ELF1: variants seen among roughly 807,000 people sequenced by gnomAD.
The protein encoded by ELF1 is ETS-related transcription factor Elf-1.
Under a neutral mutation model 59.9 loss-of-function variants are expected in ELF1, and 24 were observed. That is an observed-to-expected ratio of 0.40 (90% confidence interval 0.29 to 0.56). ELF1 has a LOEUF of 0.56. Ranked by LOEUF, ELF1 falls within the 20% of genes least tolerant of loss-of-function variation. The pLI is 0.44. For missense variants in ELF1, 627 were observed against 742.2 expected (o/e 0.84, Z 1.80); for synonymous variants, 248 against 266.2 (o/e 0.93, Z 0.67).
chr13:41,059,527 G>C (rs1169821430), intron 1 of ELF1, among the ~76,000 whole-genome samples: 5 of 152,100 alleles, frequency 3.3e-5, no homozygotes. Context: ...AAATAGTCTG[G>C]GAACACACAT....
chr13:40,981,103 T>C lies in ELF1; in HGVS notation c.72+880A>G, dbSNP rs17061695. ...TAACTATGTTTCCAGAATAAAGGCATTACATATTATAATTGGCCTATTAAA... is the reference window on the plus strand; with the variant it reads ...TAACTATGTTTCCAGAATAAAGGCACTACATATTATAATTGGCCTATTAAA... On this transcript the variant is annotated intron_variant, in intron 2 of 8. Transcript: ENST00000239882. 6.0e-3 allele frequency among the ~76,000 whole-genome samples: 863 copies of C among 142,902 alleles called. 8 individuals are homozygous for C. The highest frequency in any genetic ancestry group is 0.014 in the South Asian group (65 of 4,580). The allele number at this position is 142,902 out of a possible 152,430, so 93.7% of individuals were successfully genotyped here.
rs925043118 is a variant in ELF1, at chr13:40,933,395, A to G, written c.*30T>C. 6.3e-7 allele frequency: 1 copy of G among 1,579,268 alleles called. No homozygotes were observed. The highest frequency in any genetic ancestry group is 8.6e-7 in the Non-Finnish European group (1 of 1,164,178). ...TATAATTGAAAATGTTCAATTAACA[A>G]ACAATTATTCATAAGCTTTGGTATA... On this transcript the variant is annotated 3_prime_UTR_variant, in exon 9 of 9. Coordinates refer to ENST00000239882, the MANE Select transcript of ELF1 (RefSeq NM_172373.4).
chr13:40,943,199 C>G, intron 6 of ELF1, 55 bp from the exon 7 acceptor site: 1 of 1,393,702 alleles, frequency 7.2e-7, no homozygotes, highest in Non-Finnish European at 9.5e-7. Flanking sequence ...AAAAGAACCT[C>G]AAAAAAGACA....
intron 1 of ELF1, among the ~76,000 whole-genome samples, chr13:40,991,792 C>A (rs536018810): frequency 6.6e-6 from 1 of 152,110 alleles, no homozygotes; most frequent in Non-Finnish European, 1.5e-5. Flanking sequence ...CAAATGACTT[C>A]TCTTATTTAA....
At chr13:40,951,294 A>G in intron 4 of ELF1, 35 bp downstream of exon 4, 3 of 1,502,086 alleles carry the variant, frequency 2.0e-6, no homozygotes, top group Admixed American at 1.8e-5. Context: ...GTAACTTAAC[A>G]AAGTACATAA....
intron 1 of ELF1, among the ~76,000 whole-genome samples, chr13:41,033,099 G>A (rs61962748): frequency 0.053 from 8,030 of 152,130 alleles, 313 homozygotes; most frequent in South Asian, 0.12. Flanking sequence ...TTTAGGACAC[G>A]TTAAAGAAAT....
At chr13:40,961,529 C>G (rs1219616984) in intron 2 of ELF1, among the ~76,000 whole-genome samples, 1 of 151,966 alleles carries the variant, frequency 6.6e-6, no homozygotes, top group Admixed American at 6.6e-5. Context: ...ACCTACTGTA[C>G]TTCAGCCTGG....
At chr13:41,042,829 T>C (rs1250955505) in intron 1 of ELF1, among the ~76,000 whole-genome samples, 3 of 152,202 alleles carry the variant, frequency 2.0e-5, no homozygotes, top group Non-Finnish European at 4.4e-5. Context: ...TACCCTGTAA[T>C]GGGATGGCTG....
exon 1 of ELF1, chr13:41,060,927 G>A (rs1210770425): frequency 1.7e-5 from 6 of 362,172 alleles, no homozygotes; most frequent in Admixed American, 6.9e-5. Context: ...CGCCGCCGCC[G>A]CCGCCGCCGC....
intron 2 of ELF1, among the ~76,000 whole-genome samples, chr13:40,974,637 G>C (rs1872792030): frequency 6.6e-6 from 1 of 152,108 alleles, no homozygotes; most frequent in Non-Finnish European, 1.5e-5. Flanking sequence ...TCTAGTCCAT[G>C]TTCTACCCTA....
At chr13:41,055,271 AT>A (rs1244273593) in intron 1 of ELF1, among the ~76,000 whole-genome samples, 1 of 151,780 alleles carries the variant, frequency 6.6e-6, no homozygotes, top group East Asian at 1.9e-4. Flanking sequence ...ACCCTAATCT[AT>A]TTTCGCAGCC....
chr13:40,957,761 C>T (rs1481005772), intron 3 of ELF1, among the ~76,000 whole-genome samples: 1 of 152,202 alleles, frequency 6.6e-6, no homozygotes, highest in East Asian at 1.9e-4. Flanking sequence ...GTGACTAAAA[C>T]AGAGGACAAC....
At chr13:40,972,073 A>G (rs917967269) in intron 2 of ELF1, among the ~76,000 whole-genome samples, 3 of 152,228 alleles carry the variant, frequency 2.0e-5, no homozygotes, top group Admixed American at 2.0e-4. Context: ...TGCAGATTCC[A>G]TATAACTCAA....
chr13:41,015,335 CAA>C, intron 1 of ELF1, among the ~76,000 whole-genome samples: 1 of 146,110 alleles, frequency 6.8e-6, no homozygotes. Context: ...TATAGCACAG[CAA>C]AAAAAAACAG....
intron 1 of ELF1, among the ~76,000 whole-genome samples, chr13:41,042,575 T>C (rs1278797923): frequency 6.6e-6 from 1 of 152,174 alleles, no homozygotes; most frequent in East Asian, 1.9e-4. Flanking sequence ...TTTTTGTCCT[T>C]GCGATAGTTT....
At chr13:41,032,333 T>G (rs1329627769) in intron 1 of ELF1, among the ~76,000 whole-genome samples, 1 of 151,698 alleles carries the variant, frequency 6.6e-6, no homozygotes, top group Non-Finnish European at 1.5e-5. Context: ...TTCTCCTGCC[T>G]CAGCCTCCTG....
At chr13:41,012,809 A>G (rs562378012) in intron 1 of ELF1, among the ~76,000 whole-genome samples, 107 of 152,042 alleles carry the variant, frequency 7.0e-4, no homozygotes, top group African/African-American at 2.5e-3. Flanking sequence ...CCTCCCACTT[A>G]GGCTTTCCAA....
At chr13:41,060,557 G>C (rs905470194) in intron 1 of ELF1, among the ~76,000 whole-genome samples, 7 of 152,172 alleles carry the variant, frequency 4.6e-5, no homozygotes, top group African/African-American at 1.7e-4. Flanking sequence ...TTCTCCAGCA[G>C]GCACGGCGTG....
chr13:40,934,400 G>A (rs1260704501), intron 8 of ELF1, among the ~76,000 whole-genome samples: 4 of 121,758 alleles, frequency 3.3e-5, no homozygotes, highest in African/African-American at 1.1e-4. Flanking sequence ...AAGCAAATCT[G>A]TTTGATTCAT....
Sources: allele counts gnomAD v4.1 joint callset (sites outside exome capture counted in the v4.1 genomes callset), GRCh38; gene constraint gnomAD v4.1.1; transcripts MANE v1.5; gene names NCBI Gene and HGNC (gene_info 2026-07-23, HGNC 2026-07-21).